The following ACACB variants were observed in gnomAD, a reference collection of about 807,000 sequenced individuals.
ACACB encodes acetyl-CoA carboxylase 2.
In ACACB, 209 loss-of-function variants were observed where a neutral mutation model predicts 278.8. The observed-to-expected ratio is 0.75, with a 90% CI of 0.67 to 0.84. ACACB has a LOEUF of 0.84. Among genes scored for constraint, ACACB ranks in the 40% least tolerant of loss-of-function variants. The probability of loss-of-function intolerance (pLI) is 0.00; values close to 1 mark genes in which losing one functional copy is unlikely to be tolerated. For synonymous variants in ACACB, 1,174 were observed against 1,285.6 expected, an observed-to-expected ratio of 0.91 and a Z score of 1.86; for missense variants, 2,850 against 3,269.0, an observed-to-expected ratio of 0.87 and a Z score of 3.13.
At position 109,199,603 on chromosome 12, in the gene ACACB, T is replaced by C. The variant is rs144884610; in HGVS notation, c.2778+51T>C. On this transcript the variant is annotated intron_variant, in intron 18 of 52. Transcript: ENST00000338432. ...ATCCTGAACCCTCAAACTCCCACTC[T>C]TCTGGCTTTGTCCCATGTCTGAACA... 9.9e-5 allele frequency: 135 copies of C among 1,364,730 alleles called. No homozygotes were observed. The African/African-American group carries it at 1.5e-3, about 15-fold the overall frequency. 84.5% of individuals were successfully genotyped at this position (1,364,730 alleles called of 1,614,324 possible).
intron 19 of ACACB, among the ~76,000 whole-genome samples, chr12:109,203,155 C>T (rs2045387143): frequency 1.3e-5 from 2 of 152,152 alleles, no homozygotes; most frequent in South Asian, 4.1e-4. Flanking sequence ...CGTAACGTCT[C>T]CAAGTTTCAT....
At chr12:109,163,998 T>A (rs149363030) in intron 2 of ACACB, among the ~76,000 whole-genome samples, 1 of 152,164 alleles carries the variant, frequency 6.6e-6, no homozygotes, top group African/African-American at 2.4e-5. Flanking sequence ...AGTTTCCAGA[T>A]TGAGAGGGCC....
intron 13 of ACACB, among the ~76,000 whole-genome samples, chr12:109,190,738 C>T (rs2044844925): frequency 6.6e-6 from 1 of 151,872 alleles, no homozygotes; most frequent in Non-Finnish European, 1.5e-5. Context: ...AGCGATCCTC[C>T]CCCTTTAGCC....
At chr12:109,242,349 T>G in intron 36 of ACACB, 88 bp from the exon 37 acceptor site, 1 of 1,451,584 alleles carries the variant, frequency 6.9e-7, no homozygotes, top group Non-Finnish European at 9.5e-7. Flanking sequence ...TTCCCCCACC[T>G]GCATTTTCAT....
Position 109,258,302 on chromosome 12 carries a change from G to A in ACACB, c.6298G>A (p.Glu2100Lys). ...GGIPVGVIAV[E>K]TRTVEVAVPA... ...GATTCCCGTGGGAGTGATTGCTGTG[G>A]AGACACGGACTGTGGAGGTGGCAGT... Residue 2100 changes from glutamate (E) to lysine (K), a missense_variant, in exon 46 of 53, where the codon GAG becomes AAG. Physicochemically the swap from Glu to Lys is moderately conservative, Grantham distance 56 (BLOSUM62 1). Transcript: ENST00000338432. 6.2e-7 allele frequency: 1 copy of A among 1,612,832 alleles called. No individual in the cohort carries two copies. The highest frequency in any genetic ancestry group is 2.2e-5 in the East Asian group (1 of 44,862).
intron 1 of ACACB, among the ~76,000 whole-genome samples, chr12:109,120,929 C>G (rs970419061): frequency 1.3e-5 from 2 of 152,124 alleles, no homozygotes; most frequent in Non-Finnish European, 2.9e-5. Flanking sequence ...AGGTGCTCAA[C>G]AAACATCAGC....
chr12:109,206,586 T>A, intron 19 of ACACB, 124 bp from the exon 20 acceptor site: 1 of 1,178,200 alleles, frequency 8.5e-7, no homozygotes, highest in Non-Finnish European at 1.2e-6. Context: ...TTTGATTTTT[T>A]CCTCAGACCT....
chr12:109,241,885 C>G (rs1168072526), intron 36 of ACACB: 3 of 156,348 alleles, frequency 1.9e-5, no homozygotes, highest in African/African-American at 7.2e-5. Context: ...CTCCTGGGTT[C>G]AAGCAATCTT....
At chr12:109,163,420 TC>T (rs2043799638) in intron 2 of ACACB, among the ~76,000 whole-genome samples, 1 of 152,080 alleles carries the variant, frequency 6.6e-6, no homozygotes, top group African/African-American at 2.4e-5. Context: ...AAAAACAGGC[TC>T]GTAGACATCA....
At position 109,216,653 on chromosome 12, in the gene ACACB, TG is replaced by T. The variant is rs1443291455; in HGVS notation, c.3388del (p.Val1130CysfsTer5). 2 of 1,614,054 alleles carry T rather than the reference TG, an allele frequency of 1.2e-6. No homozygotes were observed. The highest frequency in any genetic ancestry group is 1.7e-6 in the Non-Finnish European group (2 of 1,180,030). ...GGGATCCGCGGCTATATGAAAACAG[TG>T]GTGTTGGATCTCCTGAGAAGATACT... ...RSGIRGYMKT[V>X]VLDLLRRYLR... On this transcript the variant is annotated frameshift_variant, in exon 23 of 53. Coordinates refer to ENST00000338432, the MANE Select transcript of ACACB (RefSeq NM_001093.4). LOFTEE classifies it high-confidence loss of function.
chr12:109,163,005 C>T (rs2043781477), intron 2 of ACACB, among the ~76,000 whole-genome samples: 1 of 152,194 alleles, frequency 6.6e-6, no homozygotes. Flanking sequence ...CTCACTGCAA[C>T]CTCCGCCTCT....
At chr12:109,191,988 T>C (rs777494409) in intron 15 of ACACB, 38 bp downstream of exon 15, 64 of 1,603,774 alleles carry the variant, frequency 4.0e-5, no homozygotes, top group East Asian at 2.2e-5. Flanking sequence ...TTTTGTGATA[T>C]GTGTTAGCGG....
chr12:109,201,518 G>T, intron 18 of ACACB, 49 bp from the exon 19 acceptor site: 1 of 1,603,954 alleles, frequency 6.2e-7, no homozygotes, highest in Non-Finnish European at 8.5e-7. Context: ...GGTGGCTCTG[G>T]GTGTCAATCC....
chr12:109,250,105 G>T lies in ACACB; in HGVS notation c.5790+1G>T, dbSNP rs1258317343. 1 of 1,592,068 alleles carries T rather than the reference G, an allele frequency of 6.3e-7. No individual in the cohort carries two copies. The highest frequency in any genetic ancestry group is 1.8e-5 in the Admixed American group (1 of 54,238). The stretch of plus-strand genomic sequence containing the variant: ...CGAAGAGATCGTCACCATTAGCTTG[G>T]TGAGTCTTCTTCTATTTTCTCTTAC... On this transcript the variant is annotated splice_donor_variant, in intron 41 of 52. Coordinates refer to ENST00000338432, the MANE Select transcript of ACACB (RefSeq NM_001093.4). LOFTEE classifies it high-confidence loss of function.
intron 22 of ACACB, among the ~76,000 whole-genome samples, chr12:109,214,871 A>G (rs35867442): frequency 0.32 from 49,068 of 151,882 alleles, 8,338 homozygotes; most frequent in African/African-American, 0.42. Context: ...GCCAAGGCGG[A>G]TGGATTGCTT....
At chr12:109,133,864 T>TATATTTATATATATATA (rs1555202940) in intron 1 of ACACB, among the ~76,000 whole-genome samples, 1 of 24,236 alleles carries the variant, frequency 4.1e-5, no homozygotes, top group Non-Finnish European at 6.8e-5. Flanking sequence ...TATATATATA[T>TATATTTATATATATATA]TTTTTTTTTT....
intron 27 of ACACB, among the ~76,000 whole-genome samples, chr12:109,225,273 G>T (rs1436900083): frequency 2.0e-5 from 3 of 152,224 alleles, no homozygotes; most frequent in South Asian, 2.1e-4. Flanking sequence ...GACTACAGGT[G>T]CATGCCACCA....
In ACACB at chr12:109,173,462, C is replaced by T. The variant is rs192710177; in HGVS notation, c.1118-670C>T. ...CTGAGGTACAGCCGGGAGTCCCATG[C>T]CCATTGACGTTTTCTTTGTCTGTGG... is the stretch of plus-strand genomic sequence containing the variant. On this transcript the variant is annotated intron_variant, in intron 6 of 52. Transcript: ENST00000338432. Among the ~76,000 whole-genome samples the T allele has an allele frequency of 2.4e-4, 36 of 152,236 alleles. No homozygotes were observed. In the East Asian group the frequency reaches 6.6e-3, roughly 28 times the overall value.
rs747678757 is a variant in ACACB at position 109,266,314 on chromosome 12, G to T, written c.7329G>T (p.Ala2443=). 1.5e-5 allele frequency: 24 copies of T among 1,613,224 alleles called. No individual in the cohort carries two copies. The highest frequency in any genetic ancestry group is 1.8e-5 in the Non-Finnish European group (21 of 1,179,976). Residue 2443 remains alanine (A), a synonymous_variant, in exon 53 of 53, where the codon GCG becomes GCT. Transcript: ENST00000338432. ...AGCACATCAGCCCAGCTGAGCGGGC[G>T]CAGGTCGTTCACCTGCTGTCTACCA... ...LSQHISPAER[A]QVVHLLSTMD... is the part of the protein sequence containing the mutation.
Sources: allele counts gnomAD v4.1 joint callset (sites outside exome capture counted in the v4.1 genomes callset), GRCh38; gene constraint gnomAD v4.1.1; transcripts MANE v1.5; gene names NCBI Gene and HGNC (gene_info 2026-07-23, HGNC 2026-07-21).